The following UBE2L3 variants were observed in gnomAD, a reference collection of about 807,000 sequenced individuals.
The protein encoded by UBE2L3 is ubiquitin-conjugating enzyme E2 L3.
A neutral mutation model predicts 17.8 loss-of-function variants in UBE2L3; 1 was observed. The observed-to-expected ratio is 0.06, with a 90% confidence interval of 0.02 to 0.27. UBE2L3 has a LOEUF of 0.27. Ranked by LOEUF, UBE2L3 falls within the 10% of genes least tolerant of loss-of-function variation. The pLI is 1.00. For missense variants in UBE2L3, 40 were observed against 192.6 expected (o/e 0.21, Z 4.69); for synonymous variants, 44 against 68.5 (o/e 0.64, Z 1.76).
chr22:21,577,894 G>A (rs1274792918), intron 1 of UBE2L3, among the ~76,000 whole-genome samples: 1 of 152,146 alleles, frequency 6.6e-6, no homozygotes, highest in Non-Finnish European at 1.5e-5. Context: ...AGGTGCTAAT[G>A]TCAAAGGGCT....
upstream of UBE2L3, chr22:21,567,700 G>C: frequency 6.4e-7 from 1 of 1,563,530 alleles, no homozygotes; most frequent in Non-Finnish European, 8.7e-7. Flanking sequence ...CAGCCGCCCG[G>C]CCGGCCGCGA....
chr22:21,557,815 C>T (rs770992745), intron 1 of UBE2L3, among the ~76,000 whole-genome samples: 139 of 152,312 alleles, frequency 9.1e-4, no homozygotes, highest in Non-Finnish European at 1.7e-3. Context: ...GCCATAGCAC[C>T]CGGCCGGCAG....
At chr22:21,569,506 C>T (rs1926842747) in intron 1 of UBE2L3, among the ~76,000 whole-genome samples, 1 of 152,082 alleles carries the variant, frequency 6.6e-6, no homozygotes, top group African/African-American at 2.4e-5. Flanking sequence ...CAAGTGCTCT[C>T]CTCCCCAGAC....
At chr22:21,615,566 A>G (rs1043427065) in intron 3 of UBE2L3, among the ~76,000 whole-genome samples, 5 of 152,080 alleles carry the variant, frequency 3.3e-5, no homozygotes, top group South Asian at 2.1e-4. Flanking sequence ...AAAAAAAAAA[A>G]AAAGAAAGAA....
chr22:21,586,142 T>C (rs1486983042), intron 1 of UBE2L3, among the ~76,000 whole-genome samples: 1 of 152,118 alleles, frequency 6.6e-6, no homozygotes, highest in Non-Finnish European at 1.5e-5. Flanking sequence ...AGGGTCTTGC[T>C]GTATTGCCCA....
At chr22:21,596,524 C>T (rs536757210) in intron 2 of UBE2L3, among the ~76,000 whole-genome samples, 4 of 152,108 alleles carry the variant, frequency 2.6e-5, no homozygotes, top group African/African-American at 7.2e-5. Flanking sequence ...GTGTGCACCA[C>T]CATGCCCAGC....
chr22:21,563,396 C>A (rs1309000781), upstream of UBE2L3, among the ~76,000 whole-genome samples: 271 of 124,526 alleles, frequency 2.2e-3, no homozygotes, highest in Non-Finnish European at 3.3e-3. Context: ...CTGAAAATAC[C>A]AAAAAAAAAA....
At chr22:21,617,156 A>AG (rs1601445134) in intron 3 of UBE2L3, among the ~76,000 whole-genome samples, 1 of 151,808 alleles carries the variant, frequency 6.6e-6, no homozygotes, top group Non-Finnish European at 1.5e-5. Context: ...AAAAAAAAAA[A>AG]AAAAAAAGAA....
chr22:21,604,799 T>G (rs1475169233), intron 2 of UBE2L3, among the ~76,000 whole-genome samples: 1 of 152,198 alleles, frequency 6.6e-6, no homozygotes, highest in Non-Finnish European at 1.5e-5. Context: ...GTGTGACTTA[T>G]GCACACCTGA....
chr22:21,572,614 T>TA (rs1398039971), intron 1 of UBE2L3, among the ~76,000 whole-genome samples: 1 of 152,194 alleles, frequency 6.6e-6, no homozygotes, highest in Non-Finnish European at 1.5e-5. Flanking sequence ...TATTCTTTGC[T>TA]ACAGCAGTAA....
intron 3 of UBE2L3, among the ~76,000 whole-genome samples, chr22:21,617,553 T>C (rs1200119100): frequency 6.6e-6 from 1 of 152,114 alleles, no homozygotes; most frequent in Non-Finnish European, 1.5e-5. Flanking sequence ...AAGTGTGAGC[T>C]GCTGCGCCCG....
intron 1 of UBE2L3, among the ~76,000 whole-genome samples, chr22:21,569,993 C>T (rs1394575749): frequency 6.6e-6 from 1 of 152,232 alleles, no homozygotes; most frequent in East Asian, 1.9e-4. Flanking sequence ...CTTCTCCCTT[C>T]CAGAGAAGTC....
At chr22:21,604,238 G>A (rs1020554225) in intron 2 of UBE2L3, among the ~76,000 whole-genome samples, 2 of 152,154 alleles carry the variant, frequency 1.3e-5, no homozygotes, top group South Asian at 4.1e-4. Flanking sequence ...AGTGGCTCAC[G>A]CCTGTAATCC....
upstream of UBE2L3, among the ~76,000 whole-genome samples, chr22:21,565,294 G>A (rs1035564868): frequency 5.9e-5 from 9 of 151,466 alleles, no homozygotes; most frequent in South Asian, 2.1e-4. Context: ...GGGTTTCACC[G>A]TGTTAGCCAG....
chr22:21,578,232 C>A (rs944950436), intron 1 of UBE2L3, among the ~76,000 whole-genome samples: 6 of 151,594 alleles, frequency 4.0e-5, no homozygotes, highest in African/African-American at 1.2e-4. Context: ...TGGTGGTGGG[C>A]GCCTGTAGTC....
chr22:21,560,509 G>A (rs1168628393), intron 1 of UBE2L3, among the ~76,000 whole-genome samples: 5 of 146,316 alleles, frequency 3.4e-5, no homozygotes, highest in Non-Finnish European at 7.4e-5. Context: ...GGAGTGCAGT[G>A]GCGCAATCTT....
At chr22:21,576,846 C>G (rs1927332666) in intron 1 of UBE2L3, among the ~76,000 whole-genome samples, 1 of 149,528 alleles carries the variant, frequency 6.7e-6, no homozygotes, top group South Asian at 2.1e-4. Context: ...CTCTGTCGCC[C>G]AAGCTGGAGT....
chr22:21,617,159 A>G lies in UBE2L3; in HGVS notation c.311-4356A>G, dbSNP rs530911475. 3.5e-4 allele frequency among the ~76,000 whole-genome samples: 53 copies of G among 151,954 alleles called. 1 individual carries two copies. The highest frequency in any genetic ancestry group is 4.1e-4 in the South Asian group (2 of 4,820). On this transcript the variant is annotated intron_variant, in intron 3 of 3. Coordinates refer to ENST00000342192, the MANE Select transcript of UBE2L3 (RefSeq NM_003347.4). ...AACTCTGTCTTAAAAAAAAAAAAAA[A>G]AAAAGAAAAGGAACAAAAGGAAGGA...
chr22:21,610,405 A>T (rs191403801), intron 2 of UBE2L3, among the ~76,000 whole-genome samples: 80 of 152,346 alleles, frequency 5.3e-4, no homozygotes, highest in Admixed American at 1.4e-3. Flanking sequence ...TGCAACACCA[A>T]GTATGAGCCC....
Sources: gnomAD v4.1 joint callset for allele counts (sites outside exome capture counted in the v4.1 genomes callset) on GRCh38, gnomAD v4.1.1 for gene constraint, MANE v1.5 for transcripts, NCBI Gene and HGNC (gene_info 2026-07-23, HGNC 2026-07-21) for gene names.